Variants in MRPL3 observed in about 807,000 individuals in gnomAD.
The protein encoded by MRPL3 is mitochondrial ribosomal protein L3.
A neutral mutation model predicts 44.3 loss-of-function variants in MRPL3; 43 were observed. That is an observed-to-expected ratio of 0.97 (90% CI 0.76 to 1.25). MRPL3 has a LOEUF of 1.25. Ranked by LOEUF, MRPL3 falls within the 50% of genes most tolerant of loss-of-function variation. The pLI is 0.00. For synonymous variants in MRPL3, 171 were observed against 152.3 expected (o/e 1.12, Z -0.91); for missense variants, 406 against 427.6 (o/e 0.95, Z 0.45).
intron 4 of MRPL3, among the ~76,000 whole-genome samples, chr3:131,492,220 A>G (rs1934273130): frequency 6.6e-6 from 1 of 152,168 alleles, no homozygotes; most frequent in Admixed American, 6.5e-5. Flanking sequence ...ATTTTATTAA[A>G]GCATATTATT....
intron 6 of MRPL3, among the ~76,000 whole-genome samples, chr3:131,485,889 T>TACAAACTTATCCCAATC (rs1263043006): frequency 6.6e-6 from 1 of 152,170 alleles, no homozygotes; most frequent in African/African-American, 2.4e-5. Flanking sequence ...TCTCTGTGAT[T>TACAAACTTATCCCAATC]ACAAACTTAT....
chr3:131,484,550 T>C (rs1395090601), intron 6 of MRPL3, among the ~76,000 whole-genome samples: 3 of 151,864 alleles, frequency 2.0e-5, no homozygotes, highest in African/African-American at 7.3e-5. Context: ...CCAAAATGCA[T>C]TAAGGAAAGT....
At chr3:131,481,569 T>C (rs1003848973) in intron 6 of MRPL3, among the ~76,000 whole-genome samples, 1 of 152,216 alleles carries the variant, frequency 6.6e-6, no homozygotes, top group South Asian at 2.1e-4. Flanking sequence ...GCCACCACCT[T>C]ACATTGCCTC....
intron 7 of MRPL3, 138 bp downstream of exon 7, chr3:131,471,033 C>T (rs530337677): frequency 3.2e-6 from 2 of 621,740 alleles, no homozygotes; most frequent in Non-Finnish European, 5.8e-6. Flanking sequence ...GGCAAGGATC[C>T]ATAAAAGGGT....
chr3:131,462,702 G>T lies in MRPL3; in HGVS notation c.*21C>A. ...CATCGAAGCTCACAGAATATGTAAGGTTCTGCCACGTCCAAAGATGTTAGG... is the reference window on the plus strand; with the variant it reads ...CATCGAAGCTCACAGAATATGTAAGTTTCTGCCACGTCCAAAGATGTTAGG... On this transcript the variant is annotated 3_prime_UTR_variant, in exon 10 of 10. Transcript: ENST00000264995. 6.2e-7 allele frequency: 1 copy of T among 1,603,058 alleles called. No individual in the cohort carries two copies. Among genetic ancestry groups the T allele is most frequent in the Middle Eastern group, 1.7e-4 (1 of 6,006 alleles).
intron 4 of MRPL3, 47 bp downstream of exon 4, chr3:131,498,132 A>G: frequency 8.0e-7 from 1 of 1,251,676 alleles, no homozygotes. Context: ...TCCAGATTTG[A>G]AACTGATGAA....
intron 3 of MRPL3, among the ~76,000 whole-genome samples, chr3:131,499,800 C>A (rs991438960): frequency 1.3e-5 from 2 of 152,078 alleles, no homozygotes; most frequent in Non-Finnish European, 2.9e-5. Flanking sequence ...ATTTAGTGGA[C>A]ACTTAACATT....
chr3:131,477,910 C>T (rs1309498961), intron 6 of MRPL3, among the ~76,000 whole-genome samples: 1 of 152,170 alleles, frequency 6.6e-6, no homozygotes, highest in Non-Finnish European at 1.5e-5. Context: ...TATTTTCCTG[C>T]TTCCCTAATG....
In MRPL3 at chr3:131,462,830, G is replaced by C; in HGVS notation, c.940C>G (p.Leu314Val). ...LPAYKDLGKN[L>V]PFPTYFPDGD... ...TCAGGAAAATATGTAGGGAATGGTAGATTTTTACCGAGATCCTTATATGCA... is the reference window on the plus strand; with the variant it reads ...TCAGGAAAATATGTAGGGAATGGTACATTTTTACCGAGATCCTTATATGCA... The change falls in exon 10 of 10, where the codon CTA becomes GTA. Residue 314 changes from leucine (L) to valine (V), a missense_variant. By Grantham distance (32) the Leu-to-Val change is conservative. Coordinates refer to ENST00000264995, the MANE Select transcript of MRPL3 (RefSeq NM_007208.4). 1 of 1,612,558 alleles carries C rather than the reference G, an allele frequency of 6.2e-7. No homozygotes were observed. Among genetic ancestry groups the C allele is most frequent in the Non-Finnish European group, 8.5e-7 (1 of 1,179,090 alleles).
chr3:131,480,227 C>G lies in MRPL3; in HGVS notation c.629+7453G>C, dbSNP rs529545252. On this transcript the variant is annotated intron_variant, in intron 6 of 9. Coordinates refer to ENST00000264995, the MANE Select transcript of MRPL3 (RefSeq NM_007208.4). ...TTACTTGCATTTCCACATAGCATCT[C>G]TACTGAAGATCCCTGTAAAGTGCGG... Among the ~76,000 whole-genome samples the G allele has an allele frequency of 9.2e-5, 14 of 152,326 alleles. No individual in the cohort carries two copies. The South Asian group carries it at 2.3e-3, about 25-fold the overall frequency.
At chr3:131,472,994 G>C (rs992187087) in intron 6 of MRPL3, among the ~76,000 whole-genome samples, 1 of 152,030 alleles carries the variant, frequency 6.6e-6, no homozygotes, top group South Asian at 2.1e-4. Flanking sequence ...ATACAAAGTG[G>C]TCTACAGATT....
intron 6 of MRPL3, among the ~76,000 whole-genome samples, chr3:131,472,076 G>A (rs895524545): frequency 1.3e-5 from 2 of 152,160 alleles, no homozygotes; most frequent in African/African-American, 2.4e-5. Flanking sequence ...GTTACAATGG[G>A]ATTTCTGAGC....
At chr3:131,474,147 C>T (rs534166184) in intron 6 of MRPL3, among the ~76,000 whole-genome samples, 8 of 152,048 alleles carry the variant, frequency 5.3e-5, no homozygotes, top group Admixed American at 6.6e-5. Flanking sequence ...CAGAATCAAC[C>T]TAAGTGTCCA....
chr3:131,478,473 TTAGAATATATAAGGTTTTTTATAACTGGA>T (rs1490104055), intron 6 of MRPL3, among the ~76,000 whole-genome samples: 1 of 152,130 alleles, frequency 6.6e-6, no homozygotes, highest in Non-Finnish European at 1.5e-5. Context: ...TATTTTTAGC[TTAGAATATATAAGGTTTTTTATAACTGGA>T]TCCAACCTGA....
At chr3:131,482,352 T>C (rs865999159) in intron 6 of MRPL3, among the ~76,000 whole-genome samples, 99 of 151,912 alleles carry the variant, frequency 6.5e-4, no homozygotes, top group Middle Eastern at 6.8e-3. Flanking sequence ...CCATCTCTAC[T>C]AAAAATACAA....
rs1369012683 is a variant in MRPL3, at chr3:131,487,676, C to G, written c.629+4G>C. 2.5e-6 allele frequency: 4 copies of G among 1,608,856 alleles called. No homozygotes were observed. Among genetic ancestry groups the G allele is most frequent in the Non-Finnish European group, 3.4e-6 (4 of 1,177,456 alleles). On this transcript the variant is annotated splice_donor_region_variant and intron_variant, in intron 6 of 9. Transcript: ENST00000264995. ...GGAAAAGAGAACTCGCTATGAGGACCTACGTTTTGGCTGTGACATCCACAT... is the reference window on the plus strand; with the variant it reads ...GGAAAAGAGAACTCGCTATGAGGACGTACGTTTTGGCTGTGACATCCACAT...
intron 6 of MRPL3, among the ~76,000 whole-genome samples, chr3:131,477,242 C>T (rs1445748089): frequency 6.6e-6 from 1 of 152,168 alleles, no homozygotes; most frequent in African/African-American, 2.4e-5. Flanking sequence ...CATATACCTG[C>T]TTTTAAACCC....
intron 6 of MRPL3, among the ~76,000 whole-genome samples, chr3:131,485,099 C>A (rs1178032305): frequency 1.3e-5 from 2 of 152,170 alleles, no homozygotes; most frequent in African/African-American, 4.8e-5. Context: ...GAAGCTGGTG[C>A]ATGGCTTTAC....
rs1300471244 is a variant in MRPL3 at position 131,502,760 on chromosome 3, C to A, written c.62G>T (p.Gly21Val). 6.2e-7 allele frequency: 1 copy of A among 1,612,350 alleles called. No homozygotes were observed. The highest frequency in any genetic ancestry group is 1.7e-5 in the Admixed American group (1 of 59,886). ...CCCCGGGCCCAGGGCAGCACCCAGG[C>A]CGTCCCCGAGTCGACCCAGCACCTG... ...GAQVLGRLGD[G>V]LGAALGPGNR... The change falls in exon 1 of 10, where the codon GGC (glycine) becomes GTC (valine). Residue 21 changes from glycine (G) to valine (V), a missense_variant. Physicochemically the swap from Gly to Val is moderately radical, Grantham distance 109. Transcript: ENST00000264995.
Sources: gnomAD v4.1 joint callset for allele counts (sites outside exome capture counted in the v4.1 genomes callset) on GRCh38, gnomAD v4.1.1 for gene constraint, MANE v1.5 for transcripts, NCBI Gene and HGNC (gene_info 2026-07-23, HGNC 2026-07-21) for gene names.